CEP78: variants seen among roughly 807,000 people sequenced by gnomAD.
CEP78 encodes centrosomal protein 78.
CEP78 carries 76 observed loss-of-function variants against 81.2 expected under a neutral mutation model. The ratio of observed to expected loss-of-function variants is 0.94; its 90% CI spans 0.78 to 1.13. The LOEUF is 1.13. CEP78 is among the 50% of genes most tolerant of loss of function. CEP78 has a pLI of 0.00. For synonymous variants in CEP78, 293 were observed against 301.4 expected (o/e 0.97, Z 0.29); for missense variants, 918 against 846.8 (o/e 1.08, Z -1.04).
rs1827841842 is a variant in CEP78 at position 78,278,161 on chromosome 9, A to G, written c.*7310A>G. 1 of 152,220 alleles carries G rather than the reference A, an allele frequency of 6.6e-6. No homozygotes were observed. The highest frequency in any genetic ancestry group is 2.4e-5 in the African/African-American group (1 of 41,456). 9.4% of individuals were successfully genotyped at this position (152,220 alleles called of 1,614,324 possible). On this transcript the variant is annotated 3_prime_UTR_variant, in exon 17 of 17. Coordinates refer to ENST00000643273, the MANE Select transcript of CEP78 (RefSeq NM_001330691.3). ...ATTCTAGGTTGTTTGGTTTAAAAAA[A>G]AAGTTTTTATGTACAACAGACAATT...
chr9:78,266,245 C>T (rs924091454), intron 15 of CEP78, among the ~76,000 whole-genome samples, 197 bp from the exon 16 acceptor site: 1 of 151,418 alleles, frequency 6.6e-6, no homozygotes, highest in Non-Finnish European at 1.5e-5. Flanking sequence ...TTACAGAAAA[C>T]ACAGAAGTCT....
At chr9:78,249,743 T>G (rs1826666761) in intron 8 of CEP78, 1 of 152,114 alleles carries the variant, frequency 6.6e-6, no homozygotes, top group African/African-American at 2.4e-5. Flanking sequence ...GACAGTGGAA[T>G]AAGTTAAGCC....
rs1587540756 is a variant in CEP78, at chr9:78,236,150, G to A, written c.-201G>A. 5.3e-6 allele frequency: 3 copies of A among 564,292 alleles called. No individual in the cohort carries two copies. Among genetic ancestry groups the A allele is most frequent in the African/African-American group, 2.0e-5 (1 of 49,480 alleles). 35.0% of individuals were successfully genotyped at this position (564,292 alleles called of 1,614,324 possible). On this transcript the variant is annotated 5_prime_UTR_variant, in exon 1 of 17. Transcript: ENST00000643273. Reference sequence around the variant, plus strand: ...GGGCCGCAGGGCGGGAGGCAGCGCGGGAGTGGGGCGTTGAGGGGCCGGCCT... The same window carrying A: ...GGGCCGCAGGGCGGGAGGCAGCGCGAGAGTGGGGCGTTGAGGGGCCGGCCT...
In CEP78 at chr9:78,279,334, T is replaced by C. The variant is rs1015470280; in HGVS notation, c.*8483T>C. On this transcript the variant is annotated 3_prime_UTR_variant, in exon 17 of 17. Coordinates refer to ENST00000643273, the MANE Select transcript of CEP78 (RefSeq NM_001330691.3). The stretch of plus-strand genomic sequence containing the variant: ...AGAGTTTGAAAACACTAAAATCAGT[T>C]TGCCAAATAACCAGCTCTAATTTCT... 6 of 152,160 alleles carry C rather than the reference T, an allele frequency of 3.9e-5. No homozygotes were observed. The highest frequency in any genetic ancestry group is 8.8e-5 in the Non-Finnish European group (6 of 68,022). 9.4% of individuals were successfully genotyped at this position (152,160 alleles called of 1,614,324 possible).
intron 11 of CEP78, among the ~76,000 whole-genome samples, chr9:78,259,800 A>G (rs60595912): frequency 0.018 from 2,727 of 152,334 alleles, 88 homozygotes; most frequent in African/African-American, 0.062. Flanking sequence ...GAGAATCTGA[A>G]TTTCCAAAAA....
rs117429374 is a variant in CEP78 at position 78,276,788 on chromosome 9, G to A, written c.*5937G>A. ...GTATAAAAGAAACACAAAAATAGAGGTATGCCATGTATAAGACCCAACATA... is the reference window on the plus strand; with the variant it reads ...GTATAAAAGAAACACAAAAATAGAGATATGCCATGTATAAGACCCAACATA... On this transcript the variant is annotated 3_prime_UTR_variant, in exon 17 of 17. Coordinates refer to ENST00000643273, the MANE Select transcript of CEP78 (RefSeq NM_001330691.3). 4.2e-4 allele frequency: 64 copies of A among 152,168 alleles called. 1 individual carries two copies. In the East Asian group the frequency reaches 0.012, roughly 29 times the overall value. The allele number at this position is 152,168 out of a possible 1,614,324, so 9.4% of individuals were successfully genotyped here. A position where few individuals can be genotyped will look rare whatever the true frequency, so the allele number is the denominator to read the frequency against.
In CEP78 at chr9:78,246,798, A is replaced by AT. The variant is rs1563982567; in HGVS notation, c.892+22dup. On this transcript the variant is annotated intron_variant, in intron 6 of 16. Transcript: ENST00000643273. ...CCACTCATTGGTATGTCGCTACAATATTTTTTATTGACTAACAAATAGCAA... is the reference window on the plus strand; with the variant it reads ...CCACTCATTGGTATGTCGCTACAATATTTTTTTATTGACTAACAAATAGCAA... 2.2e-6 allele frequency: 3 copies of AT among 1,386,950 alleles called. No homozygotes were observed. Among genetic ancestry groups the AT allele is most frequent in the East Asian group, 2.3e-5 (1 of 42,674 alleles). 85.9% of individuals were successfully genotyped at this position (1,386,950 alleles called of 1,614,324 possible).
chr9:78,266,409 G>T, intron 15 of CEP78, 33 bp from the exon 16 acceptor site: 1 of 1,512,594 alleles, frequency 6.6e-7, no homozygotes, highest in Non-Finnish European at 9.0e-7. Flanking sequence ...GGCTTTGTTT[G>T]TCACTAAATT....
chr9:78,248,246 C>T (rs1826588218), intron 6 of CEP78, 45 bp from the exon 7 acceptor site: 3 of 1,007,914 alleles, frequency 3.0e-6, no homozygotes, highest in Admixed American at 1.9e-5. Flanking sequence ...AATAGCCACT[C>T]ATTGGGAAAT....
Position 78,276,980 on chromosome 9 carries a change from T to C in CEP78, c.*6129T>C, listed in dbSNP as rs1827816894. 1 of 152,078 alleles carries C rather than the reference T, an allele frequency of 6.6e-6. No homozygotes were observed. Among genetic ancestry groups the C allele is most frequent in the Non-Finnish European group, 1.5e-5 (1 of 67,992 alleles). 9.4% of individuals were successfully genotyped at this position (152,078 alleles called of 1,614,324 possible). ...AAACAATCCATGGAGTTAGGGTAAATGTGCTGTTCACACAGGAATAATCAC... is the reference window on the plus strand; with the variant it reads ...AAACAATCCATGGAGTTAGGGTAAACGTGCTGTTCACACAGGAATAATCAC... On this transcript the variant is annotated 3_prime_UTR_variant, in exon 17 of 17. Coordinates refer to ENST00000643273, the MANE Select transcript of CEP78 (RefSeq NM_001330691.3).
In CEP78 at chr9:78,273,572, A is replaced by G. The variant is rs1485101024; in HGVS notation, c.*2721A>G. 2 of 138,032 alleles carry G rather than the reference A, an allele frequency of 1.4e-5. No homozygotes were observed. Among genetic ancestry groups the G allele is most frequent in the Non-Finnish European group, 1.6e-5 (1 of 63,318 alleles). 8.6% of individuals were successfully genotyped at this position (138,032 alleles called of 1,614,324 possible). A position where few individuals can be genotyped will look rare whatever the true frequency, so the allele number is the denominator to read the frequency against. On this transcript the variant is annotated 3_prime_UTR_variant, in exon 17 of 17. Transcript: ENST00000643273. ...AACATGGCAAAACTCCGTCTCTACT[A>G]AAAATACAAAAAAAAAAAAAAAAAA...
rs964312834 is a variant in CEP78, at chr9:78,272,653, T to C, written c.*1802T>C. On this transcript the variant is annotated 3_prime_UTR_variant, in exon 17 of 17. Coordinates refer to ENST00000643273, the MANE Select transcript of CEP78 (RefSeq NM_001330691.3). The stretch of plus-strand genomic sequence containing the variant: ...AATATATATAAAGTTAAGGGTATGT[T>C]AGTAAGGATAGGTTAGGTGATGTTG... The C allele has an allele frequency of 1.8e-4, 27 of 152,174 alleles. No individual in the cohort carries two copies. Among genetic ancestry groups the C allele is most frequent in the Non-Finnish European group, 3.4e-4 (23 of 68,034 alleles). 9.4% of individuals were successfully genotyped at this position (152,174 alleles called of 1,614,324 possible).
chr9:78,276,795 A>G lies in CEP78; in HGVS notation c.*5944A>G, dbSNP rs1017620221. The G allele has an allele frequency of 6.6e-6, 1 of 152,238 alleles. No homozygotes were observed. The highest frequency in any genetic ancestry group is 1.5e-5 in the Non-Finnish European group (1 of 68,030). The allele number at this position is 152,238 out of a possible 1,614,324, so 9.4% of individuals were successfully genotyped here. A position where few individuals can be genotyped will look rare whatever the true frequency, so the allele number is the denominator to read the frequency against. ...AGAAACACAAAAATAGAGGTATGCC[A>G]TGTATAAGACCCAACATAATAAATA... On this transcript the variant is annotated 3_prime_UTR_variant, in exon 17 of 17. Coordinates refer to ENST00000643273, the MANE Select transcript of CEP78 (RefSeq NM_001330691.3).
At chr9:78,266,397 A>G in intron 15 of CEP78, 45 bp from the exon 16 acceptor site, 1 of 1,414,278 alleles carries the variant, frequency 7.1e-7, no homozygotes, top group Non-Finnish European at 9.7e-7. Flanking sequence ...TTTTAAATGG[A>G]TGGCTTTGTT....
In CEP78 at chr9:78,262,909, A is replaced by T. The variant is rs766147788; in HGVS notation, c.1383A>T (p.Glu461Asp). The T allele has an allele frequency of 5.9e-6, 9 of 1,520,146 alleles. No homozygotes were observed. Among genetic ancestry groups the T allele is most frequent in the East Asian group, 2.5e-5 (1 of 40,538 alleles). The allele number at this position is 1,520,146 out of a possible 1,614,324, so 94.2% of individuals were successfully genotyped here. A position where few individuals can be genotyped will look rare whatever the true frequency, so the allele number is the denominator to read the frequency against. The stretch of plus-strand genomic sequence containing the variant: ...TTTACTTTATTACTTAATACTAGGA[A>T]AAACTGGAGGAGTGCCTAAAGCAGT... ...KTSIEQEALQ[E>D]KLEECLKQLK... Residue 461 changes from glutamate (E) to aspartate (D), a missense_variant and splice_region_variant, in exon 12 of 17, where the codon GAA (glutamate) becomes GAT (aspartate). By Grantham distance (45) the Glu-to-Asp change is conservative. Transcript: ENST00000643273.
chr9:78,270,976 G>C lies in CEP78; in HGVS notation c.*125G>C. On this transcript the variant is annotated 3_prime_UTR_variant, in exon 17 of 17. Coordinates refer to ENST00000643273, the MANE Select transcript of CEP78 (RefSeq NM_001330691.3). Reference sequence around the variant, plus strand: ...TACCAGTTAATTAAAGGATGGAACAGCTAAGCCATTCCACTCATCTTTGGA... The same window carrying C: ...TACCAGTTAATTAAAGGATGGAACACCTAAGCCATTCCACTCATCTTTGGA... The C allele has an allele frequency of 1.8e-6, 1 of 548,092 alleles. No homozygotes were observed. The highest frequency in any genetic ancestry group is 3.2e-6 in the Non-Finnish European group (1 of 316,320). 34.0% of individuals were successfully genotyped at this position (548,092 alleles called of 1,614,324 possible). A position where few individuals can be genotyped will look rare whatever the true frequency, so the allele number is the denominator to read the frequency against.
At position 78,265,365 on chromosome 9, in the gene CEP78, C is replaced by T. The variant is rs761841632; in HGVS notation, c.1626-7C>T. Reference sequence around the variant, plus strand: ...TTGCCTTTTCCTCCTTTTCTTCTCTCGACCAGGCTTGGGCAGCTTGCCACA... The same window carrying T: ...TTGCCTTTTCCTCCTTTTCTTCTCTTGACCAGGCTTGGGCAGCTTGCCACA... On this transcript the variant is annotated splice_region_variant and splice_polypyrimidine_tract_variant and intron_variant, in intron 13 of 16. Transcript: ENST00000643273. 1.0e-5 allele frequency: 16 copies of T among 1,571,482 alleles called. No individual in the cohort carries two copies. Among genetic ancestry groups the T allele is most frequent in the Middle Eastern group, 1.7e-4 (1 of 5,880 alleles).
In CEP78 at chr9:78,246,732, A is replaced by T. The variant is rs1826505153; in HGVS notation, c.842A>T (p.Glu281Val). 5 of 1,611,570 alleles carry T rather than the reference A, an allele frequency of 3.1e-6. No individual in the cohort carries two copies. In the Admixed American group the frequency reaches 5.0e-5, roughly 16 times the overall value. Residue 281 changes from glutamate to valine, a missense_variant, in exon 6 of 17, where the codon GAA becomes GTA. Physicochemically the swap from Glu to Val is moderately radical, Grantham distance 121. Transcript: ENST00000643273. ...EGAKALLEAL[E>V]TNTTLVVLDI... ...GCAAAGGCTTTGCTAGAGGCCCTTG[A>T]AACCAATACAACTCTGGTCGTTCTG...
At position 78,240,005 on chromosome 9, in the gene CEP78, C is replaced by G; in HGVS notation, c.254-18C>G. On this transcript the variant is annotated intron_variant, in intron 1 of 16. Transcript: ENST00000643273. ...TTGTATGATTGAAGTCACTAACTTTCTTTTATCTTTGTTTTAGGTTCTGAC... is the reference window on the plus strand; with the variant it reads ...TTGTATGATTGAAGTCACTAACTTTGTTTTATCTTTGTTTTAGGTTCTGAC... 1.3e-6 allele frequency: 2 copies of G among 1,543,926 alleles called. No homozygotes were observed. Among genetic ancestry groups the G allele is most frequent in the South Asian group, 2.5e-5 (2 of 79,790 alleles).
Sources: gnomAD v4.1 joint callset for allele counts (sites outside exome capture counted in the v4.1 genomes callset) on GRCh38, gnomAD v4.1.1 for gene constraint, MANE v1.5 for transcripts, NCBI Gene and HGNC (gene_info 2026-07-23, HGNC 2026-07-21) for gene names.